The following CCR4 variants were observed in gnomAD, a reference collection of about 807,000 sequenced individuals.
CCR4 encodes the protein C-C motif chemokine receptor 4, also known as C-C chemokine receptor type 4.
CCR4 carries 9 observed loss-of-function variants against 17.1 expected under a neutral mutation model. That is an observed-to-expected ratio of 0.53 (90% CI 0.32 to 0.92). CCR4 has a LOEUF of 0.92. CCR4 is among the 40% of genes least tolerant of loss of function. The pLI is 0.04. For synonymous variants in CCR4, 217 were observed against 174.3 expected, an observed-to-expected ratio of 1.24 and a Z score of -1.93; for missense variants, 385 against 433.9, an observed-to-expected ratio of 0.89 and a Z score of 1.00.
At position 32,953,545 on chromosome 3, in the gene CCR4, C is replaced by T. The variant is rs765548404; in HGVS notation, c.123C>T (p.Phe41=). The part of the protein sequence containing the change: ...KEGIKAFGEL[F]LPPLYSLVFV... Reference sequence around the variant, plus strand: ...GCATCAAGGCATTTGGGGAGCTCTTCCTGCCCCCACTGTATTCCTTGGTTT... The same window carrying T: ...GCATCAAGGCATTTGGGGAGCTCTTTCTGCCCCCACTGTATTCCTTGGTTT... Residue 41 remains phenylalanine, a synonymous_variant, in exon 2 of 2, where the codon TTC becomes TTT. Transcript: ENST00000330953. 3.7e-6 allele frequency: 6 copies of T among 1,614,160 alleles called. No homozygotes were observed. Among genetic ancestry groups the T allele is most frequent in the Non-Finnish European group, 5.1e-6 (6 of 1,180,040 alleles).
Position 32,953,793 on chromosome 3 carries a change from G to C in CCR4, c.371G>C (p.Gly124Ala), listed in dbSNP as rs1697720538. ...SWMYLVGFYS[G>A]IFFVMLMSID... The stretch of plus-strand genomic sequence containing the variant: ...ATGTACTTGGTGGGCTTTTACAGTG[G>C]CATATTCTTTGTCATGCTCATGAGC... The change falls in exon 2 of 2, where the codon GGC (glycine) becomes GCC (alanine). Residue 124 changes from glycine (G) to alanine (A), a missense_variant. Physicochemically the swap from Gly to Ala is moderately conservative, Grantham distance 60. Transcript: ENST00000330953. 1.2e-6 allele frequency: 2 copies of C among 1,614,048 alleles called. No homozygotes were observed. Among genetic ancestry groups the C allele is most frequent in the East Asian group, 4.5e-5 (2 of 44,872 alleles).
Position 32,954,065 on chromosome 3 carries a change from T to G in CCR4, c.643T>G (p.Leu215Val), listed in dbSNP as rs1251704725. Reference sequence around the variant, plus strand: ...CAACATTCTCGGATTGGTGATCCCCTTAGGGATCATGCTGTTTTGCTACTC... The same window carrying G: ...CAACATTCTCGGATTGGTGATCCCCGTAGGGATCATGCTGTTTTGCTACTC... ...EINILGLVIP[L>V]GIMLFCYSMI... Residue 215 changes from leucine to valine, a missense_variant, in exon 2 of 2, where the codon TTA (leucine) becomes GTA (valine). Physicochemically the swap from Leu to Val is conservative, Grantham distance 32. Transcript: ENST00000330953. The G allele has an allele frequency of 6.2e-7, 1 of 1,613,416 alleles. No individual in the cohort carries two copies.
intron 1 of CCR4, 69 bp from the exon 2 acceptor site, chr3:32,953,303 T>C: frequency 8.4e-7 from 1 of 1,184,746 alleles, no homozygotes; most frequent in South Asian, 1.6e-5. Flanking sequence ...GCAGCCATGC[T>C]CTGCATTTAG....
rs762113496 is a variant in CCR4 at position 32,954,357 on chromosome 3, G to A, written c.935G>A (p.Arg312His). The change falls in exon 2 of 2, where the codon CGC (arginine) becomes CAC (histidine). Residue 312 changes from arginine (R) to histidine (H), a missense_variant. By Grantham distance (29) the Arg-to-His change is conservative (BLOSUM62 0). Coordinates refer to ENST00000330953, the MANE Select transcript of CCR4 (RefSeq NM_005508.5). ...IIYFFLGEKF[R>H]KYILQLFKTC... is the part of the protein sequence containing the mutation. ...TACTTTTTTCTGGGGGAGAAATTTCGCAAGTACATCCTACAGCTCTTCAAA... is the reference window on the plus strand; with the variant it reads ...TACTTTTTTCTGGGGGAGAAATTTCACAAGTACATCCTACAGCTCTTCAAA... 10 of 1,613,872 alleles carry A rather than the reference G, an allele frequency of 6.2e-6. No homozygotes were observed. The highest frequency in any genetic ancestry group is 3.3e-5 in the Admixed American group (2 of 59,980).
Position 32,953,361 on chromosome 3 carries a change from C to A in CCR4, c.-51-11C>A, listed in dbSNP as rs1697699716. 3 of 1,516,462 alleles carry A rather than the reference C, an allele frequency of 2.0e-6. No homozygotes were observed. Among genetic ancestry groups the A allele is most frequent in the Admixed American group, 4.4e-5 (2 of 45,770 alleles). The allele number at this position is 1,516,462 out of a possible 1,614,324, so 93.9% of individuals were successfully genotyped here. On this transcript the variant is annotated splice_polypyrimidine_tract_variant and intron_variant, in intron 1 of 1. Transcript: ENST00000330953. ...TCTCACAGAAATCTCCTTTGCTCTT[C>A]CCCTCATTAGCTGCTTCTGGTTGGG...
chr3:32,953,106 C>T (rs974903809), intron 1 of CCR4, among the ~76,000 whole-genome samples: 1 of 152,142 alleles, frequency 6.6e-6, no homozygotes, highest in African/African-American at 2.4e-5. Flanking sequence ...ACGATCCTCA[C>T]TTACAAATGA....
chr3:32,952,123 G>A (rs1298776484), intron 1 of CCR4, among the ~76,000 whole-genome samples: 1 of 152,160 alleles, frequency 6.6e-6, no homozygotes, highest in Non-Finnish European at 1.5e-5. Flanking sequence ...AAATGGTGGA[G>A]AAAGACTAGA....
chr3:32,953,787 A>C lies in CCR4; in HGVS notation c.365A>C (p.Tyr122Ser), dbSNP rs1697720510. Residue 122 changes from tyrosine (Y) to serine (S), a missense_variant, in exon 2 of 2, where the codon TAC becomes TCC. Transcript: ENST00000330953. ...MISWMYLVGF[Y>S]SGIFFVMLMS... ...TCCTGGATGTACTTGGTGGGCTTTT[A>C]CAGTGGCATATTCTTTGTCATGCTC... The C allele has an allele frequency of 6.2e-7, 1 of 1,613,900 alleles. No individual in the cohort carries two copies. Among genetic ancestry groups the C allele is most frequent in the Non-Finnish European group, 8.5e-7 (1 of 1,180,022 alleles).
chr3:32,952,722 T>G (rs1230220130), intron 1 of CCR4, among the ~76,000 whole-genome samples: 1 of 152,228 alleles, frequency 6.6e-6, no homozygotes, highest in South Asian at 2.1e-4. Context: ...GGGAGTGGCC[T>G]TGAGTCGGAA....
rs144635444 is a variant in CCR4 at position 32,954,760 on chromosome 3, C to A, written c.*255C>A. On this transcript the variant is annotated 3_prime_UTR_variant, in exon 2 of 2. Coordinates refer to ENST00000330953, the MANE Select transcript of CCR4 (RefSeq NM_005508.5). ...CAGGCATGAGTCAGTCTGATGAGAA[C>A]TCTGAGCAGTGCTTGAATGAAGTTG... The A allele has an allele frequency of 2.9e-4, 128 of 434,032 alleles. 1 individual carries two copies. In the East Asian group the frequency reaches 4.8e-3, roughly 16 times the overall value. 26.9% of individuals were successfully genotyped at this position (434,032 alleles called of 1,614,324 possible). A position where few individuals can be genotyped will look rare whatever the true frequency, so the allele number is the denominator to read the frequency against.
In CCR4 at chr3:32,953,846, G is replaced by T; in HGVS notation, c.424G>T (p.Ala142Ser). The change falls in exon 2 of 2, where the codon GCG becomes TCG. Residue 142 changes from alanine to serine, a missense_variant. By Grantham distance (99) the Ala-to-Ser change is moderately conservative. Transcript: ENST00000330953. ...TGATAGATACCTGGCAATTGTGCAC[G>T]CGGTGTTTTCCTTGAGGGCAAGGAC... Reference protein sequence around the residue: ...SIDRYLAIVHAVFSLRARTLT... With the variant: ...SIDRYLAIVHSVFSLRARTLT... The T allele has an allele frequency of 6.2e-7, 1 of 1,614,044 alleles. No individual in the cohort carries two copies. The highest frequency in any genetic ancestry group is 1.1e-5 in the South Asian group (1 of 91,080).
chr3:32,952,335 G>GCCTTGAA (rs1396699136), intron 1 of CCR4, among the ~76,000 whole-genome samples: 1 of 151,172 alleles, frequency 6.6e-6, no homozygotes, highest in Non-Finnish European at 1.5e-5. Flanking sequence ...AGCTCACTGC[G>GCCTTGAA]CCTTGAACTC....
In CCR4 at chr3:32,953,907, G is replaced by A. The variant is rs1294311317; in HGVS notation, c.485G>A (p.Trp162Ter). 1 of 1,614,082 alleles carries A rather than the reference G, an allele frequency of 6.2e-7. No individual in the cohort carries two copies. Among genetic ancestry groups the A allele is most frequent in the South Asian group, 1.1e-5 (1 of 91,076 alleles). The change falls in exon 2 of 2, where the codon TGG becomes TAG. Residue 162 changes from tryptophan (W) to a stop codon, truncating the protein, a stop_gained. Transcript: ENST00000330953. LOFTEE classifies it high-confidence loss of function. The stretch of plus-strand genomic sequence containing the variant: ...GGGGTCATCACCAGTTTGGCTACAT[G>A]GTCAGTGGCTGTGTTCGCCTCCCTT... The part of the protein sequence containing the change: ...TYGVITSLAT[W>*]SVAVFASLPG...
chr3:32,955,270 C>T lies in CCR4; in HGVS notation c.*765C>T, dbSNP rs41357148. 8.8e-4 allele frequency: 146 copies of T among 166,776 alleles called. 2 individuals are homozygous for T. The highest frequency in any genetic ancestry group is 1.2e-4 in the Non-Finnish European group (8 of 68,092). 10.3% of individuals were successfully genotyped at this position (166,776 alleles called of 1,614,324 possible). On this transcript the variant is annotated 3_prime_UTR_variant, in exon 2 of 2. Coordinates refer to ENST00000330953, the MANE Select transcript of CCR4 (RefSeq NM_005508.5). ...TAAAAAATTTTAAATAGGCTGGGCA[C>T]GGTGGCCTGTAATCCCAGCACTGTG...
chr3:32,953,311 T>C lies in CCR4; in HGVS notation c.-51-61T>C. 2.4e-6 allele frequency: 3 copies of C among 1,264,004 alleles called. No homozygotes were observed. In the South Asian group the frequency reaches 4.5e-5, roughly 19 times the overall value. 78.3% of individuals were successfully genotyped at this position (1,264,004 alleles called of 1,614,324 possible). ...ACAGTACGCAGCCATGCTCTGCATT[T>C]AGCAATACTTTGGTTTATTTTTGTT... is the stretch of plus-strand genomic sequence containing the variant. On this transcript the variant is annotated intron_variant, in intron 1 of 1. Transcript: ENST00000330953.
intron 1 of CCR4, among the ~76,000 whole-genome samples, chr3:32,952,479 G>A (rs539242090): frequency 2.6e-5 from 4 of 152,268 alleles, no homozygotes; most frequent in Admixed American, 1.3e-4. Flanking sequence ...CGCTGGCATG[G>A]AGCTCCTTGG....
rs184561336 is a variant in CCR4, at chr3:32,953,334, G to A, written c.-51-38G>A. ...TTTAGCAATACTTTGGTTTATTTTT[G>A]TTCTCACAGAAATCTCCTTTGCTCT... On this transcript the variant is annotated intron_variant, in intron 1 of 1. Transcript: ENST00000330953. 2.2e-5 allele frequency: 32 copies of A among 1,459,464 alleles called. No homozygotes were observed. In the East Asian group the frequency reaches 6.8e-4, roughly 31 times the overall value. The allele number at this position is 1,459,464 out of a possible 1,614,324, so 90.4% of individuals were successfully genotyped here. A position where few individuals can be genotyped will look rare whatever the true frequency, so the allele number is the denominator to read the frequency against.
rs1297071962 is a variant in CCR4, at chr3:32,956,159, G to A, written c.*1654G>A. On this transcript the variant is annotated 3_prime_UTR_variant, in exon 2 of 2. Coordinates refer to ENST00000330953, the MANE Select transcript of CCR4 (RefSeq NM_005508.5). Reference sequence around the variant, plus strand: ...GCTAGTCTTGAACTCCTGACCTCAGGTGATCTGCCTGCTTCAGCCTCCCAA... The same window carrying A: ...GCTAGTCTTGAACTCCTGACCTCAGATGATCTGCCTGCTTCAGCCTCCCAA... The A allele has an allele frequency of 1.2e-5, 2 of 166,858 alleles. No homozygotes were observed. Among genetic ancestry groups the A allele is most frequent in the Non-Finnish European group, 2.9e-5 (2 of 68,170 alleles). 10.3% of individuals were successfully genotyped at this position (166,858 alleles called of 1,614,324 possible).
Position 32,953,777 on chromosome 3 carries a change from G to T in CCR4, c.355G>T (p.Val119Leu). Reference protein sequence around the residue: ...LCKMISWMYLVGFYSGIFFVM... With the variant: ...LCKMISWMYLLGFYSGIFFVM... The stretch of plus-strand genomic sequence containing the variant: ...CAAGATGATTTCCTGGATGTACTTG[G>T]TGGGCTTTTACAGTGGCATATTCTT... Residue 119 changes from valine (V) to leucine (L), a missense_variant, in exon 2 of 2, where the codon GTG becomes TTG. Physicochemically the swap from Val to Leu is conservative, Grantham distance 32. Transcript: ENST00000330953. 1 of 1,614,052 alleles carries T rather than the reference G, an allele frequency of 6.2e-7. No homozygotes were observed. The highest frequency in any genetic ancestry group is 8.5e-7 in the Non-Finnish European group (1 of 1,180,030).
Sources: gnomAD v4.1 joint callset for allele counts (sites outside exome capture counted in the v4.1 genomes callset) on GRCh38, gnomAD v4.1.1 for gene constraint, MANE v1.5 for transcripts, NCBI Gene and HGNC (gene_info 2026-07-23, HGNC 2026-07-21) for gene names.